Variants in ARRDC3 observed in about 807,000 individuals in gnomAD.
The protein encoded by ARRDC3 is arrestin domain-containing protein 3.
ARRDC3 carries 10 observed loss-of-function variants against 47.2 expected under a neutral mutation model. That is an observed-to-expected ratio of 0.21 (90% CI 0.13 to 0.36). The LOEUF is 0.36. Ranked by LOEUF, ARRDC3 falls within the 10% of genes least tolerant of loss-of-function variation. The pLI is 1.00. For synonymous variants in ARRDC3, 156 were observed against 178.3 expected, an observed-to-expected ratio of 0.87 and a Z score of 1.00; for missense variants, 381 against 503.6, an observed-to-expected ratio of 0.76 and a Z score of 2.33.
chr5:91,378,980 A>G (rs1268175919), intron 1 of ARRDC3, among the ~76,000 whole-genome samples: 10 of 152,124 alleles, frequency 6.6e-5, no homozygotes, highest in Admixed American at 6.5e-4. Context: ...TATCTGTAAA[A>G]TGGGGATAAT....
chr5:91,371,477 A>G (rs949051821), intron 7 of ARRDC3, 21 bp from the exon 8 acceptor site: 9 of 1,597,468 alleles, frequency 5.6e-6, no homozygotes, highest in Non-Finnish European at 7.7e-6. Flanking sequence ...ATGAGAAAAA[A>G]AGTTTACAGA....
chr5:91,381,257 A>G (rs1799451687), intron 1 of ARRDC3, among the ~76,000 whole-genome samples: 1 of 152,190 alleles, frequency 6.6e-6, no homozygotes, highest in Non-Finnish European at 1.5e-5. Flanking sequence ...CCACGAAATC[A>G]TGGTGCAACT....
chr5:91,382,897 C>T lies in ARRDC3; in HGVS notation c.196G>A (p.Gly66Ser), dbSNP rs1417619713. 1.9e-6 allele frequency: 3 copies of T among 1,613,958 alleles called. No individual in the cohort carries two copies. Among genetic ancestry groups the T allele is most frequent in the Non-Finnish European group, 2.5e-6 (3 of 1,180,018 alleles). Residue 66 changes from glycine to serine, a missense_variant, in exon 1 of 8, where the codon GGC becomes AGC. By Grantham distance (56) the Gly-to-Ser change is moderately conservative (BLOSUM62 0). Transcript: ENST00000265138. Reference protein sequence around the residue: ...KVRWTESRNAGSNTAYTQNYT... With the variant: ...KVRWTESRNASSNTAYTQNYT... ...TTCTGTGTATAGGCAGTATTGGAGC[C>T]GGCGTTTCTAGATTCAGTCCAGCGT... is the stretch of plus-strand genomic sequence containing the variant.
In ARRDC3 at chr5:91,370,210, G is replaced by T. The variant is rs946071956; in HGVS notation, c.*1190C>A. 1 of 152,492 alleles carries T rather than the reference G, an allele frequency of 6.6e-6. No individual in the cohort carries two copies. 9.4% of individuals were successfully genotyped at this position (152,492 alleles called of 1,614,324 possible). On this transcript the variant is annotated 3_prime_UTR_variant, in exon 8 of 8. Transcript: ENST00000265138. ...GATTTCCAACATATGTGTTTTGGAG[G>T]TAATTAAGTAACTCTGTATAAAAAT...
At chr5:91,378,429 AT>A (rs1302985587) in intron 2 of ARRDC3, among the ~76,000 whole-genome samples, 5 of 152,076 alleles carry the variant, frequency 3.3e-5, no homozygotes, top group African/African-American at 1.2e-4. Flanking sequence ...CAATTCACTC[AT>A]GTTAAAGGAA....
In ARRDC3 at chr5:91,373,700, G is replaced by A; in HGVS notation, c.1172C>T (p.Pro391Leu). 6.2e-7 allele frequency: 1 copy of A among 1,613,770 alleles called. No homozygotes were observed. Among genetic ancestry groups the A allele is most frequent in the Non-Finnish European group, 8.5e-7 (1 of 1,179,744 alleles). The change falls in exon 7 of 8, where the codon CCA (proline) becomes CTA (leucine). Residue 391 changes from proline (P) to leucine (L), a missense_variant. Coordinates refer to ENST00000265138, the MANE Select transcript of ARRDC3 (RefSeq NM_020801.4). Reference sequence around the variant, plus strand: ...GGTACTTACCTCTGAATAAAGAGGTGGAGGCAAGAATCGAAACTCCTGGAT... The same window carrying A: ...GGTACTTACCTCTGAATAAAGAGGTAGAGGCAAGAATCGAAACTCCTGGAT... ...AYIQEFRFLPPPLYSEIDPNP... is the reference protein window; with the variant it reads ...AYIQEFRFLPLPLYSEIDPNP...
intron 1 of ARRDC3, among the ~76,000 whole-genome samples, chr5:91,382,278 T>A (rs919675422): frequency 2.0e-5 from 3 of 152,230 alleles, no homozygotes; most frequent in African/African-American, 7.2e-5. Context: ...GGGGTGTTGA[T>A]ACCATATGTC....
rs147152588 is a variant in ARRDC3 at position 91,375,153 on chromosome 5, C to T, written c.639G>A (p.Glu213=). The change falls in exon 5 of 8, where the codon GAG becomes GAA. Residue 213 remains glutamate, a synonymous_variant. Coordinates refer to ENST00000265138, the MANE Select transcript of ARRDC3 (RefSeq NM_020801.4). ...CCATTCGGGAAGAGCAGTTCTCAAT[C>T]TCAGCAAATATCTGAATTGATTCAC... The part of the protein sequence containing the change: ...TPGESIQIFA[E]IENCSSRMVV... 2.6e-4 allele frequency: 418 copies of T among 1,613,462 alleles called. No individual in the cohort carries two copies. Among genetic ancestry groups the T allele is most frequent in the Non-Finnish European group, 3.2e-4 (383 of 1,179,952 alleles).
chr5:91,383,269 G>C lies in ARRDC3; in HGVS notation c.-177C>G. On this transcript the variant is annotated 5_prime_UTR_variant, in exon 1 of 8. Transcript: ENST00000265138. ...TTTCTTAAAAAGTCAGGGCAGCAGA[G>C]GCTGCTGCTCCGCGCTCCCGCTCGT... 3 of 616,046 alleles carry C rather than the reference G, an allele frequency of 4.9e-6. No homozygotes were observed. Among genetic ancestry groups the C allele is most frequent in the Non-Finnish European group, 5.4e-6 (2 of 373,036 alleles). 38.2% of individuals were successfully genotyped at this position (616,046 alleles called of 1,614,324 possible). A position where few individuals can be genotyped will look rare whatever the true frequency, so the allele number is the denominator to read the frequency against.
intron 1 of ARRDC3, among the ~76,000 whole-genome samples, chr5:91,379,658 G>C (rs1799394933): frequency 6.6e-6 from 1 of 151,264 alleles, no homozygotes; most frequent in Non-Finnish European, 1.5e-5. Context: ...ATATGGGAGG[G>C]GGTTCTAGAT....
At chr5:91,378,803 G>T (rs766111123) in intron 1 of ARRDC3, 28 bp from the exon 2 acceptor site, 5 of 1,457,922 alleles carry the variant, frequency 3.4e-6, no homozygotes, top group African/African-American at 2.9e-5. Flanking sequence ...AGAAAACAAA[G>T]AATTTATTAT....
chr5:91,371,730 A>G (rs1355205101), intron 7 of ARRDC3, among the ~76,000 whole-genome samples: 2 of 152,160 alleles, frequency 1.3e-5, no homozygotes, highest in Non-Finnish European at 2.9e-5. Context: ...ACAAAAATTA[A>G]CAGTAAAATT....
rs1799283205 is a variant in ARRDC3 at position 91,375,631 on chromosome 5, A to G, written c.511-18T>C. 6 of 1,572,384 alleles carry G rather than the reference A, an allele frequency of 3.8e-6. No homozygotes were observed. Among genetic ancestry groups the G allele is most frequent in the Non-Finnish European group, 4.4e-6 (5 of 1,145,758 alleles). On this transcript the variant is annotated intron_variant, in intron 3 of 7. Transcript: ENST00000265138. ...TGGGGTGACTGTAAGAAAAAAATTAAGAGAAAAAGGTCAGTGTATGGATTG... is the reference window on the plus strand; with the variant it reads ...TGGGGTGACTGTAAGAAAAAAATTAGGAGAAAAAGGTCAGTGTATGGATTG...
At chr5:91,379,433 T>G (rs1160799273) in intron 1 of ARRDC3, among the ~76,000 whole-genome samples, 1 of 152,096 alleles carries the variant, frequency 6.6e-6, no homozygotes, top group Non-Finnish European at 1.5e-5. Context: ...CGACTAAAAC[T>G]TGCATAAACT....
chr5:91,379,592 A>G (rs893616254), intron 1 of ARRDC3, among the ~76,000 whole-genome samples: 2 of 152,100 alleles, frequency 1.3e-5, no homozygotes, highest in Non-Finnish European at 2.9e-5. Flanking sequence ...TTTACAACCA[A>G]TTTTTTTGGT....
At chr5:91,374,369 C>G in intron 5 of ARRDC3, 93 bp from the exon 6 acceptor site, 1 of 1,099,204 alleles carries the variant, frequency 9.1e-7, no homozygotes, top group African/African-American at 1.6e-5. Flanking sequence ...TTGAAACCCC[C>G]ATTTACTTCA....
rs748130694 is a variant in ARRDC3, at chr5:91,378,717, T to C, written c.339A>G (p.Ala113=). 1.3e-6 allele frequency: 2 copies of C among 1,597,676 alleles called. No homozygotes were observed. Among genetic ancestry groups the C allele is most frequent in the Non-Finnish European group, 1.7e-6 (2 of 1,172,396 alleles). ...HTIHSGRHEY[A]FSFELPQTPL... is the part of the protein sequence containing the mutation. ...ACGTCTGTGGAAGCTCGAAGCTGAATGCATATTCATGCCTTCCTGAATGAA... is the reference window on the plus strand; with the variant it reads ...ACGTCTGTGGAAGCTCGAAGCTGAACGCATATTCATGCCTTCCTGAATGAA... Residue 113 remains alanine (A), a synonymous_variant, in exon 2 of 8, where the codon GCA becomes GCG. Transcript: ENST00000265138.
intron 1 of ARRDC3, 130 bp from the exon 2 acceptor site, chr5:91,378,905 C>G (rs1799370839): frequency 2.0e-6 from 1 of 503,792 alleles, no homozygotes; most frequent in Non-Finnish European, 3.5e-6. Flanking sequence ...TCTGAGAGAT[C>G]TGAGTTCTAA....
intron 4 of ARRDC3, 119 bp from the exon 5 acceptor site, chr5:91,375,297 CT>C: frequency 8.9e-7 from 1 of 1,126,524 alleles, no homozygotes; most frequent in South Asian, 1.6e-5. Flanking sequence ...GTCCCAGGAA[CT>C]GCAAATAACT....
Sources: allele counts gnomAD v4.1 joint callset (sites outside exome capture counted in the v4.1 genomes callset), GRCh38; gene constraint gnomAD v4.1.1; transcripts MANE v1.5; gene names NCBI Gene and HGNC (gene_info 2026-07-23, HGNC 2026-07-21).